Variants in CCDC12 observed in about 807,000 individuals in gnomAD.
CCDC12 encodes coiled-coil domain-containing protein 12.
CCDC12 carries 28 observed loss-of-function variants against 25.7 expected under a neutral mutation model. That is an observed-to-expected ratio of 1.09 (90% CI 0.81 to 1.50). CCDC12 has a LOEUF of 1.50. Ranked by LOEUF, CCDC12 falls within the 40% of genes most tolerant of loss-of-function variation. The pLI is 0.00. For missense variants in CCDC12, 198 were observed against 210.0 expected, an observed-to-expected ratio of 0.94 and a Z score of 0.35; for synonymous variants, 75 against 87.7, an observed-to-expected ratio of 0.86 and a Z score of 0.81.
At chr3:46,925,902 C>T (rs1356924519) in intron 2 of CCDC12, among the ~76,000 whole-genome samples, 3 of 152,224 alleles carry the variant, frequency 2.0e-5, no homozygotes, top group African/African-American at 7.2e-5. Context: ...TAGGATCACA[C>T]AGCAGTGGCT....
At chr3:46,954,389 C>T (rs1315874719) in intron 1 of CCDC12, among the ~76,000 whole-genome samples, 1 of 152,198 alleles carries the variant, frequency 6.6e-6, no homozygotes, top group Non-Finnish European at 1.5e-5. Flanking sequence ...ACCTGAAAAC[C>T]TCAGTGGGTG....
At chr3:46,937,609 GC>G (rs2033503707) in intron 2 of CCDC12, among the ~76,000 whole-genome samples, 1 of 152,210 alleles carries the variant, frequency 6.6e-6, no homozygotes, top group Admixed American at 6.5e-5. Context: ...AGGGGCTATG[GC>G]CTAGGGGGTT....
At chr3:46,941,895 C>G (rs1207938917) in intron 1 of CCDC12, among the ~76,000 whole-genome samples, 1 of 152,208 alleles carries the variant, frequency 6.6e-6, no homozygotes, top group Non-Finnish European at 1.5e-5. Context: ...TGAACTAGGA[C>G]CAGGCTTGCA....
chr3:46,940,988 C>T lies in CCDC12; in HGVS notation c.164+10G>A, dbSNP rs192037561. On this transcript the variant is annotated intron_variant, in intron 2 of 6. Coordinates refer to ENST00000683445, the MANE Select transcript of CCDC12 (RefSeq NM_001277074.2). ...AGAGAGCAGACCCTGGAGCTGCACA[C>T]GGGCATTACCTGTGCTTCTCGCCTT... The T allele has an allele frequency of 1.1e-4, 174 of 1,613,586 alleles. No homozygotes were observed. The African/African-American group carries it at 1.4e-3, about 13-fold the overall frequency.
intron 1 of CCDC12, among the ~76,000 whole-genome samples, chr3:46,967,453 C>T (rs1559565638): frequency 1.3e-5 from 2 of 152,278 alleles, no homozygotes; most frequent in East Asian, 1.9e-4. Flanking sequence ...ACTCCTACTC[C>T]TCAAACATGC....
At chr3:46,934,208 T>G (rs745522295) in intron 2 of CCDC12, among the ~76,000 whole-genome samples, 7 of 152,342 alleles carry the variant, frequency 4.6e-5, no homozygotes, top group Non-Finnish European at 8.8e-5. Flanking sequence ...GACCCAGATG[T>G]TGGGGGACAG....
chr3:46,925,594 T>C, intron 2 of CCDC12, 59 bp from the exon 3 acceptor site: 1 of 1,346,014 alleles, frequency 7.4e-7, no homozygotes, highest in Non-Finnish European at 1.0e-6. Flanking sequence ...GTCTCATTCA[T>C]TCATTCATAC....
Position 46,925,525 on chromosome 3 carries a change from G to C in CCDC12, c.175C>G (p.Leu59Val). ...TCATCCTCCGGGACATAGTTCCGCA[G>C]CCTAAGTTCCCTGCAAGAATAGAGG... ...EEGEKHRELR[L>V]RNYVPEDEDL... is the part of the protein sequence containing the mutation. Residue 59 changes from leucine (L) to valine (V), a missense_variant, in exon 3 of 7, where the codon CTG (leucine) becomes GTG (valine). Leu to Val is a conservative substitution (Grantham distance 32). Transcript: ENST00000683445. 7.0e-6 allele frequency: 11 copies of C among 1,579,848 alleles called. No individual in the cohort carries two copies. Among genetic ancestry groups the C allele is most frequent in the Non-Finnish European group, 9.5e-6 (11 of 1,157,736 alleles).
upstream of CCDC12, chr3:46,979,834 C>A (rs1023617651): frequency 2.4e-6 from 1 of 419,728 alleles, no homozygotes; most frequent in South Asian, 6.3e-5. Flanking sequence ...ACAGGTGGCG[C>A]GCAGCAGGGC....
chr3:46,956,769 T>C (rs1018399910), intron 1 of CCDC12, among the ~76,000 whole-genome samples: 3 of 105,386 alleles, frequency 2.8e-5, no homozygotes, highest in African/African-American at 6.5e-5. Flanking sequence ...TGCAGTGAGA[T>C]TGCACCACTG....
At chr3:46,923,305 C>G (rs1310756712) in intron 5 of CCDC12, 24 bp downstream of exon 5, 1 of 1,473,122 alleles carries the variant, frequency 6.8e-7, no homozygotes, top group Admixed American at 2.4e-5. Context: ...CAGCCTGCAC[C>G]CGCCACGCAC....
chr3:46,958,047 G>A (rs867710221), intron 1 of CCDC12, among the ~76,000 whole-genome samples: 9 of 150,186 alleles, frequency 6.0e-5, no homozygotes, highest in Non-Finnish European at 1.0e-4. Flanking sequence ...AGGCTAGAAT[G>A]TAACAAAAGC....
Position 46,946,866 on chromosome 3 carries a change from C to T in CCDC12, c.97-5801G>A, listed in dbSNP as rs58529346. On this transcript the variant is annotated intron_variant, in intron 1 of 6. Coordinates refer to ENST00000683445, the MANE Select transcript of CCDC12 (RefSeq NM_001277074.2). Reference sequence around the variant, plus strand: ...TTCAGGGGATGAGGAATAAGCCCCTCCCTCTCCCTAAGACTTCCCAAGGAC... The same window carrying T: ...TTCAGGGGATGAGGAATAAGCCCCTTCCTCTCCCTAAGACTTCCCAAGGAC... Among the ~76,000 whole-genome samples the T allele has an allele frequency of 2.1e-3, 318 of 152,304 alleles. 3 individuals are homozygous for T. Among genetic ancestry groups the T allele is most frequent in the African/African-American group, 7.4e-3 (306 of 41,556 alleles).
intron 1 of CCDC12, among the ~76,000 whole-genome samples, chr3:46,972,531 G>C (rs2034835025): frequency 6.6e-6 from 1 of 152,026 alleles, no homozygotes; most frequent in Admixed American, 6.6e-5. Flanking sequence ...TGGCAAACAA[G>C]CATATGAAAG....
intron 1 of CCDC12, among the ~76,000 whole-genome samples, chr3:46,967,630 G>T (rs998835533): frequency 3.3e-5 from 5 of 152,016 alleles, no homozygotes; most frequent in Admixed American, 6.6e-5. Context: ...ACATAAACAG[G>T]GACACCATGT....
At chr3:46,949,449 A>C (rs2034030065) in intron 1 of CCDC12, among the ~76,000 whole-genome samples, 1 of 152,192 alleles carries the variant, frequency 6.6e-6, no homozygotes, top group South Asian at 2.1e-4. Context: ...ATGCAGCCAG[A>C]CTGGACGAGT....
At chr3:46,922,419 G>A in intron 5 of CCDC12, 107 bp from the exon 6 acceptor site, 2 of 1,199,652 alleles carry the variant, frequency 1.7e-6, no homozygotes, top group Non-Finnish European at 2.5e-6. Context: ...ATGCTCGGTT[G>A]CTGGAGGGGG....
intron 1 of CCDC12, among the ~76,000 whole-genome samples, chr3:46,953,132 C>A (rs1161569208): frequency 1.3e-5 from 2 of 152,000 alleles, no homozygotes; most frequent in Non-Finnish European, 2.9e-5. Context: ...GAACTCCAGT[C>A]CCAAAAGACA....
chr3:46,942,621 G>C (rs955621982), intron 1 of CCDC12, among the ~76,000 whole-genome samples: 3 of 152,148 alleles, frequency 2.0e-5, no homozygotes, highest in Non-Finnish European at 4.4e-5. Context: ...ACAACCTCCG[G>C]GGAGCAGACT....
Sources: allele counts gnomAD v4.1 joint callset (sites outside exome capture counted in the v4.1 genomes callset), GRCh38; gene constraint gnomAD v4.1.1; transcripts MANE v1.5; gene names NCBI Gene and HGNC (gene_info 2026-07-23, HGNC 2026-07-21).